ACHE: variants seen among roughly 807,000 people sequenced by gnomAD.
The protein encoded by ACHE is acetylcholinesterase (Yt blood group), also known as acetylcholinesterase.
Under a neutral mutation model 53.9 loss-of-function variants are expected in ACHE, and 19 were observed. The observed-to-expected ratio is 0.35, with a 90% CI of 0.25 to 0.52. The LOEUF (loss-of-function observed/expected upper bound fraction) is 0.52, where lower values mean the gene tolerates loss of function less well. ACHE is among the 20% of genes least tolerant of loss of function. The pLI, the probability that ACHE is intolerant of heterozygous loss-of-function variation, is 0.95. For missense variants in ACHE, 605 were observed against 849.4 expected (o/e 0.71, Z 3.58); for synonymous variants, 392 against 378.1 (o/e 1.04, Z -0.43).
intron 4 of ACHE, chr7:100,890,589 G>A: frequency 7.2e-7 from 1 of 1,380,254 alleles, no homozygotes. Context: ...CGGAAGACGG[G>A]AACAGAGGGG....
In ACHE at chr7:100,892,223, T is replaced by C. The variant is rs1237595399; in HGVS notation, c.1553+111A>G. ...TGAGCATATCCCTCTCTGGCTGTTC[T>C]ATCCTGCCCCTGTCCCACCCGTCCT... On this transcript the variant is annotated intron_variant, in intron 3 of 4. Coordinates refer to ENST00000241069, the MANE Select transcript of ACHE (RefSeq NM_000665.5). This position sits in a 1 kb window ranked among gnomAD's most constrained non-coding sequence, Gnocchi z 5.2. 4.5e-6 allele frequency: 6 copies of C among 1,347,220 alleles called. No individual in the cohort carries two copies. The highest frequency in any genetic ancestry group is 1.5e-5 in the African/African-American group (1 of 67,664). The allele number at this position is 1,347,220 out of a possible 1,614,324, so 83.5% of individuals were successfully genotyped here.
rs1790566373 is a variant in ACHE at position 100,890,047 on chromosome 7, G to GAGCT, written c.*163_*166dup. 2.6e-6 allele frequency: 2 copies of GAGCT among 766,862 alleles called. No homozygotes were observed. 47.5% of individuals were successfully genotyped at this position (766,862 alleles called of 1,614,324 possible). A position where few individuals can be genotyped will look rare whatever the true frequency, so the allele number is the denominator to read the frequency against. On this transcript the variant is annotated 3_prime_UTR_variant, in exon 5 of 5. Coordinates refer to ENST00000241069, the MANE Select transcript of ACHE (RefSeq NM_000665.5). The stretch of plus-strand genomic sequence containing the variant: ...AGGGGCGAAGGCACCGCGGGGGAGG[G>GAGCT]AGCTCAGCCTGAGACATGCAGAGGA...
chr7:100,894,032 G>A lies in ACHE; in HGVS notation c.201C>T (p.Pro67=). Residue 67 remains proline (P), a synonymous_variant, in exon 2 of 5, where the codon CCC becomes CCT. Coordinates refer to ENST00000241069, the MANE Select transcript of ACHE (RefSeq NM_000665.5). ...GGPVSAFLGI[P]FAEPPMGPRR... The stretch of plus-strand genomic sequence containing the variant: ...GGGGTCCCATGGGTGGCTCCGCAAA[G>A]GGGATGCCCAGGAAAGCAGAGACAG... 1.9e-6 allele frequency: 3 copies of A among 1,603,976 alleles called. No individual in the cohort carries two copies. The highest frequency in any genetic ancestry group is 1.7e-4 in the Middle Eastern group (1 of 6,016).
At position 100,891,252 on chromosome 7, in the gene ACHE, C is replaced by G; in HGVS notation, c.1640G>C (p.Arg547Pro). The G allele has an allele frequency of 1.9e-6, 3 of 1,611,286 alleles. No individual in the cohort carries two copies. Reference protein sequence around the residue: ...GAQQYVSLDLRPLEVRRGLRA... With the variant: ...GAQQYVSLDLPPLEVRRGLRA... Reference sequence around the variant, plus strand: ...CAGCCCCCGCCGCACCTCCAGCGGCCGCAGGTCCAGACTAACGTACTGCTG... The same window carrying G: ...CAGCCCCCGCCGCACCTCCAGCGGCGGCAGGTCCAGACTAACGTACTGCTG... Residue 547 changes from arginine (R) to proline (P), a missense_variant, in exon 4 of 5, where the codon CGG (arginine) becomes CCG (proline). Transcript: ENST00000241069.
Position 100,892,871 on chromosome 7 carries a change from G to A in ACHE, c.1069-53C>T. 1 of 1,495,768 alleles carries A rather than the reference G, an allele frequency of 6.7e-7. No individual in the cohort carries two copies. Among genetic ancestry groups the A allele is most frequent in the Admixed American group, 2.1e-5 (1 of 46,934 alleles). The allele number at this position is 1,495,768 out of a possible 1,614,324, so 92.7% of individuals were successfully genotyped here. On this transcript the variant is annotated intron_variant, in intron 2 of 4. Coordinates refer to ENST00000241069, the MANE Select transcript of ACHE (RefSeq NM_000665.5). The surrounding 1 kb of genome is among the most constrained non-coding windows in gnomAD (Gnocchi z 5.2). ...TGGAGCGACAGGCACAGACAGACAA[G>A]TAGACAGAAACAGATGGACAGACAA...
At position 100,893,606 on chromosome 7, in the gene ACHE, C is replaced by G; in HGVS notation, c.627G>C (p.Leu209=). ...CGTTCTCCTGCACCCACTGCAGGGC[C>G]AGCCTCTGATCCAGGAGACCCACAT... ...PGNVGLLDQR[L]ALQWVQENVA... The change falls in exon 2 of 5, where the codon CTG becomes CTC. Residue 209 remains leucine, a synonymous_variant. Transcript: ENST00000241069. 1 of 1,612,932 alleles carries G rather than the reference C, an allele frequency of 6.2e-7. No homozygotes were observed.
rs779839348 is a variant in ACHE, at chr7:100,891,170, G to C, written c.1722C>G (p.Thr574=). 6.2e-7 allele frequency: 1 copy of C among 1,602,744 alleles called. No individual in the cohort carries two copies. Among genetic ancestry groups the C allele is most frequent in the South Asian group, 1.1e-5 (1 of 89,966 alleles). ...NRFLPKLLSA[T]DTLDEAERQW... is the part of the protein sequence containing the mutation. The stretch of plus-strand genomic sequence containing the variant: ...CGCTGCCCGCTGGCCCCTGCATACC[G>C]GTGGCGCTGAGCAATTTGGGGAGGA... The change falls in exon 4 of 5, where the codon ACC becomes ACG. Residue 574 remains threonine (T), a splice_region_variant and synonymous_variant. Coordinates refer to ENST00000241069, the MANE Select transcript of ACHE (RefSeq NM_000665.5).
chr7:100,890,546 A>T, intron 4 of ACHE: 1 of 1,402,792 alleles, frequency 7.1e-7, no homozygotes, highest in Non-Finnish European at 9.3e-7. Context: ...GGAGAAGGAC[A>T]GCAGGAAGGA....
At position 100,892,594 on chromosome 7, in the gene ACHE, A is replaced by G. The variant is rs938295495; in HGVS notation, c.1293T>C (p.Asp431=). Residue 431 remains aspartate, a synonymous_variant, in exon 3 of 5, where the codon GAT becomes GAC. Coordinates refer to ENST00000241069, the MANE Select transcript of ACHE (RefSeq NM_000665.5). The surrounding 1 kb of genome is among the most constrained non-coding windows in gnomAD (Gnocchi z 5.2). The stretch of plus-strand genomic sequence containing the variant: ...ACACGACATTGTGGTCGCCCACCAC[A>G]TCGCTCAGGGCCTCCCTCAGGCGTG... ...DPARLREALS[D]VVGDHNVVCP... is the part of the protein sequence containing the mutation. 6.2e-7 allele frequency: 1 copy of G among 1,613,242 alleles called. No homozygotes were observed. The highest frequency in any genetic ancestry group is 8.5e-7 in the Non-Finnish European group (1 of 1,179,878).
intron 3 of ACHE, among the ~76,000 whole-genome samples, chr7:100,891,952 T>C (rs1467399332): frequency 6.6e-6 from 1 of 151,962 alleles, no homozygotes; most frequent in Non-Finnish European, 1.5e-5. Context: ...GGCTAAGTTT[T>C]GTATTTTTTT....
At position 100,891,282 on chromosome 7, in the gene ACHE, C is replaced by T. The variant is rs1174726871; in HGVS notation, c.1610G>A (p.Gly537Glu). 4.0e-5 allele frequency: 64 copies of T among 1,606,228 alleles called. No individual in the cohort carries two copies. The highest frequency in any genetic ancestry group is 5.3e-5 in the Non-Finnish European group (62 of 1,177,490). Residue 537 changes from glycine to glutamate, a missense_variant, in exon 4 of 5, where the codon GGG (glycine) becomes GAG (glutamate). Physicochemically the swap from Gly to Glu is moderately conservative, Grantham distance 98. Transcript: ENST00000241069. ...KAPQWPPYTA[G>E]AQQYVSLDLR... ...GTCCAGACTAACGTACTGCTGAGCC[C>T]CCGCCGTGTACGGGGGCCATTGTGG...
In ACHE at chr7:100,893,513, C is replaced by A; in HGVS notation, c.720G>T (p.Val240=). The change falls in exon 2 of 5, where the codon GTG becomes GTT. Residue 240 remains valine (V), a synonymous_variant. Transcript: ENST00000241069. ...LFGESAGAAS[V]GMHLLSPPSR... ...TGGGCGGGGACAGCAGGTGCATGCC[C>A]ACCGAGGCGGCTCCCGCGCTCTCCC... 1 of 1,608,702 alleles carries A rather than the reference C, an allele frequency of 6.2e-7. No individual in the cohort carries two copies. The highest frequency in any genetic ancestry group is 1.3e-5 in the African/African-American group (1 of 75,058).
rs1790738848 is a variant in ACHE at position 100,892,170 on chromosome 7, CTTTT to C, written c.1553+160_1553+163del. On this transcript the variant is annotated intron_variant, in intron 3 of 4. Transcript: ENST00000241069. This position sits in a 1 kb window ranked among gnomAD's most constrained non-coding sequence, Gnocchi z 5.2. ...CCCCTCTGCCTTCTCTGTCTCCTTT[CTTTT>C]TCTCTCCCCTTTTATCTACTTTGTG... Among the ~76,000 whole-genome samples the C allele has an allele frequency of 6.6e-6, 1 of 151,804 alleles. No individual in the cohort carries two copies. The highest frequency in any genetic ancestry group is 1.5e-5 in the Non-Finnish European group (1 of 67,954).
rs184343440 is a variant in ACHE, at chr7:100,892,941, A to C, written c.1069-123T>G. On this transcript the variant is annotated intron_variant, in intron 2 of 4. Coordinates refer to ENST00000241069, the MANE Select transcript of ACHE (RefSeq NM_000665.5). The surrounding 1 kb of genome is among the most constrained non-coding windows in gnomAD (Gnocchi z 5.2). ...GTTACAGACCCGGAACCATGGACAG[A>C]GAGAGGACGAGATCAGGGGAGGGAT... The C allele has an allele frequency of 1.5e-6, 2 of 1,315,188 alleles. No homozygotes were observed. Among genetic ancestry groups the C allele is most frequent in the East Asian group, 5.1e-5 (2 of 39,580 alleles). 81.5% of individuals were successfully genotyped at this position (1,315,188 alleles called of 1,614,324 possible). A position where few individuals can be genotyped will look rare whatever the true frequency, so the allele number is the denominator to read the frequency against.
intron 1 of ACHE, among the ~76,000 whole-genome samples, chr7:100,895,367 G>T (rs1411383610): frequency 2.0e-5 from 3 of 152,164 alleles, no homozygotes; most frequent in African/African-American, 7.2e-5. Flanking sequence ...GAGTCTCCGC[G>T]GGAGGGGGCG....
At chr7:100,896,972 G>T (rs1379814552), upstream of ACHE, 1 of 150,498 alleles carries the variant, frequency 6.6e-6, no homozygotes, top group East Asian at 2.0e-4. Context: ...AGCGGCCGGC[G>T]CAGGCCAGCG....
chr7:100,890,335 T>A lies in ACHE; in HGVS notation c.1724A>T (p.Asp575Val). ...CTGGCGCTCCGCCTCGTCGAGCGTG[T>A]CTGCGGCCAGGGCGCCCAGCGAGGC... is the stretch of plus-strand genomic sequence containing the variant. Reference protein sequence around the residue: ...RFLPKLLSATDTLDEAERQWK... With the variant: ...RFLPKLLSATVTLDEAERQWK... Residue 575 changes from aspartate to valine, a missense_variant and splice_region_variant, in exon 5 of 5, where the codon GAC becomes GTC. By Grantham distance (152) the Asp-to-Val change is radical. Around this residue, in one of 4 missense-constraint regions of ACHE, gnomAD observed 28 missense variants for 54.8 expected, o/e 0.51. Coordinates refer to ENST00000241069, the MANE Select transcript of ACHE (RefSeq NM_000665.5). 6.2e-7 allele frequency: 1 copy of A among 1,603,714 alleles called. No individual in the cohort carries two copies. Among genetic ancestry groups the A allele is most frequent in the Non-Finnish European group, 8.5e-7 (1 of 1,174,958 alleles).
chr7:100,891,783 CTTTTTTTTTTTT>C (rs71902456), intron 3 of ACHE, among the ~76,000 whole-genome samples: 2 of 103,468 alleles, frequency 1.9e-5, no homozygotes, highest in Non-Finnish European at 3.8e-5. Flanking sequence ...CTTGGTCTCC[CTTTTTTTTTTTT>C]TTTTTTTTTT....
At chr7:100,890,665 G>T in intron 4 of ACHE, 1 of 1,365,224 alleles carries the variant, frequency 7.3e-7, no homozygotes. Flanking sequence ...CCCCAATGGG[G>T]GGTGCTACCC....
Sources: allele counts gnomAD v4.1 joint callset (sites outside exome capture counted in the v4.1 genomes callset), GRCh38; gene constraint gnomAD v4.1.1; regional missense constraint gnomAD v4.1.1; non-coding constraint Gnocchi (gnomAD v3.1); transcripts MANE v1.5; gene names NCBI Gene and HGNC (gene_info 2026-07-23, HGNC 2026-07-21).